PTPN11: variants seen among roughly 807,000 people sequenced by gnomAD.
PTPN11 encodes protein tyrosine phosphatase non-receptor type 11.
In PTPN11, 6 loss-of-function variants were observed where a neutral mutation model predicts 78.8. The observed-to-expected ratio is 0.08, with a 90% CI of 0.04 to 0.15. The LOEUF (loss-of-function observed/expected upper bound fraction) is 0.15. Among genes scored for constraint, PTPN11 ranks in the 10% least tolerant of loss-of-function variants. The pLI, the probability that PTPN11 is intolerant of heterozygous loss-of-function variation, is 1.00. For missense variants in PTPN11, 386 were observed against 744.8 expected, an observed-to-expected ratio of 0.52 and a Z score of 5.61; for synonymous variants, 221 against 263.5, an observed-to-expected ratio of 0.84 and a Z score of 1.56.
intron 10 of PTPN11, among the ~76,000 whole-genome samples, chr12:112,485,247 C>G (rs1471266926): frequency 1.3e-5 from 2 of 151,760 alleles, no homozygotes; most frequent in Non-Finnish European, 2.9e-5. Context: ...GAGTGAGACT[C>G]TGTCTCAAAA....
At chr12:112,503,443 T>C (rs2038901128) in intron 14 of PTPN11, among the ~76,000 whole-genome samples, 1 of 152,236 alleles carries the variant, frequency 6.6e-6, no homozygotes, top group African/African-American at 2.4e-5. Flanking sequence ...TCTATATAAA[T>C]GTTTTAGGTG....
intron 1 of PTPN11, among the ~76,000 whole-genome samples, chr12:112,438,132 C>G (rs1408157554): frequency 2.0e-5 from 3 of 152,124 alleles, no homozygotes; most frequent in African/African-American, 7.2e-5. Context: ...ACTAGCTACC[C>G]TGTTCTCTAC....
chr12:112,476,760 C>G (rs1018889370), intron 7 of PTPN11, among the ~76,000 whole-genome samples: 1 of 152,082 alleles, frequency 6.6e-6, no homozygotes, highest in South Asian at 2.1e-4. Context: ...CAGAGGAAAA[C>G]CCTGTCTCAA....
intron 7 of PTPN11, among the ~76,000 whole-genome samples, chr12:112,473,891 G>A (rs919355862): frequency 2.6e-5 from 4 of 151,182 alleles, no homozygotes; most frequent in African/African-American, 9.7e-5. Flanking sequence ...AAGCTGTAAA[G>A]CTGTACCTTT....
At chr12:112,495,226 A>T (rs1246165382) in intron 13 of PTPN11, among the ~76,000 whole-genome samples, 2 of 152,186 alleles carry the variant, frequency 1.3e-5, no homozygotes, top group African/African-American at 4.8e-5. Flanking sequence ...GTTTAATTGG[A>T]TTTTGCCAGT....
intron 1 of PTPN11, among the ~76,000 whole-genome samples, chr12:112,435,647 G>GTGTT (rs2037776869): frequency 7.4e-6 from 1 of 135,714 alleles, no homozygotes; most frequent in African/African-American, 2.7e-5. Context: ...TAGGATTAAG[G>GTGTT]TTTTTTTTTT....
intron 2 of PTPN11, among the ~76,000 whole-genome samples, 181 bp downstream of exon 2, chr12:112,446,579 CCTT>C (rs1209748505): frequency 2.6e-5 from 4 of 152,022 alleles, no homozygotes; most frequent in East Asian, 1.9e-4. Context: ...TAAGGAGGGC[CCTT>C]CTTCTCCCTC....
In PTPN11 at chr12:112,501,479, G is replaced by A. The variant is rs182339692; in HGVS notation, c.1600-665G>A. 8.5e-4 allele frequency among the ~76,000 whole-genome samples: 130 copies of A among 152,210 alleles called. 4 individuals are homozygous for A. The highest frequency in any genetic ancestry group is 8.4e-3 in the Admixed American group (129 of 15,274). ...ATCTCTACTAAAATACAAAAAGTTA[G>A]CTGGGCATGGTGGTGGGCACCTGTA... On this transcript the variant is annotated intron_variant, in intron 13 of 15. Coordinates refer to ENST00000351677, the MANE Select transcript of PTPN11 (RefSeq NM_002834.5).
chr12:112,499,531 G>A (rs991752571), intron 13 of PTPN11, among the ~76,000 whole-genome samples: 1 of 151,818 alleles, frequency 6.6e-6, no homozygotes, highest in South Asian at 2.1e-4. Flanking sequence ...GTAGAGATGG[G>A]GTGTCACCAT....
intron 1 of PTPN11, chr12:112,428,972 C>G (rs980896205): frequency 1.3e-5 from 2 of 152,300 alleles, no homozygotes; most frequent in African/African-American, 4.8e-5. Flanking sequence ...GTCTCGAACT[C>G]CCAACCTCAG....
chr12:112,492,171 T>A (rs2038754736), intron 13 of PTPN11, among the ~76,000 whole-genome samples: 1 of 152,208 alleles, frequency 6.6e-6, no homozygotes, highest in Admixed American at 6.5e-5. Flanking sequence ...AGTCATGCAT[T>A]TTTGGCAGGA....
intron 2 of PTPN11, among the ~76,000 whole-genome samples, chr12:112,446,716 A>T (rs1376952549): frequency 1.3e-5 from 2 of 151,222 alleles, no homozygotes; most frequent in African/African-American, 4.9e-5. Context: ...CTGTTGATTT[A>T]TTTAAAAATT....
Position 112,454,596 on chromosome 12 carries a change from G to T in PTPN11, c.558G>T (p.Arg186=), listed in dbSNP as rs200920312. Residue 186 remains arginine (R), a synonymous_variant, in exon 5 of 16, where the codon CGG becomes CGT. Coordinates refer to ENST00000351677, the MANE Select transcript of PTPN11 (RefSeq NM_002834.5). ...AATACGACGTTGGTGGAGGAGAACG[G>T]TTTGATTCTTTGACAGATCTTGTGG... is the stretch of plus-strand genomic sequence containing the variant. ...ELKYDVGGGE[R]FDSLTDLVEH... is the part of the protein sequence containing the mutation. 2.6e-4 allele frequency: 419 copies of T among 1,613,750 alleles called. 3 individuals are homozygous for T. The South Asian group carries it at 2.7e-3, about 11-fold the overall frequency.
intron 13 of PTPN11, among the ~76,000 whole-genome samples, chr12:112,494,525 C>A (rs554309392): frequency 1.3e-5 from 2 of 152,140 alleles, no homozygotes; most frequent in Non-Finnish European, 2.9e-5. Context: ...CTTTTCAGAT[C>A]GGGTACTCTG....
At chr12:112,440,551 A>G (rs2037870084) in intron 1 of PTPN11, among the ~76,000 whole-genome samples, 1 of 133,256 alleles carries the variant, frequency 7.5e-6, no homozygotes, top group Admixed American at 8.6e-5. Context: ...GGCGTGAGCC[A>G]CTGTGCCTGG....
At chr12:112,442,739 A>G (rs1367288819) in intron 1 of PTPN11, among the ~76,000 whole-genome samples, 1 of 147,652 alleles carries the variant, frequency 6.8e-6, no homozygotes, top group Non-Finnish European at 1.5e-5. Context: ...GGAGTGAACC[A>G]CCGCGCCTGG....
intron 1 of PTPN11, among the ~76,000 whole-genome samples, chr12:112,419,375 G>C (rs923654912): frequency 6.6e-6 from 1 of 152,148 alleles, no homozygotes; most frequent in Non-Finnish European, 1.5e-5. Context: ...GGGGATGCCC[G>C]TCAGGCCCGG....
At chr12:112,489,285 G>A (rs1367109193) in intron 13 of PTPN11, 110 bp downstream of exon 13, 72 of 1,327,722 alleles carry the variant, frequency 5.4e-5, no homozygotes, top group Non-Finnish European at 6.7e-5. Flanking sequence ...GTTTGATTTC[G>A]GAATGGGAAA....
chr12:112,464,229 C>T (rs1047031180), intron 6 of PTPN11, among the ~76,000 whole-genome samples: 4 of 152,158 alleles, frequency 2.6e-5, no homozygotes, highest in African/African-American at 9.7e-5. Flanking sequence ...TATCACTATC[C>T]AGAAGACGTT....
Sources: gnomAD v4.1 joint callset for allele counts (sites outside exome capture counted in the v4.1 genomes callset) on GRCh38, gnomAD v4.1.1 for gene constraint, MANE v1.5 for transcripts, NCBI Gene and HGNC (gene_info 2026-07-23, HGNC 2026-07-21) for gene names.